CPNE1: variants seen among roughly 807,000 people sequenced by gnomAD.
The protein encoded by CPNE1 is copine-1.
In CPNE1, 58 loss-of-function variants were observed where a neutral mutation model predicts 63.2. The ratio of observed to expected loss-of-function variants is 0.92; its 90% CI spans 0.74 to 1.14. CPNE1 has a LOEUF of 1.14. Ranked by LOEUF, CPNE1 falls within the 50% of genes most tolerant of loss-of-function variation. CPNE1 has a pLI of 0.00. For missense variants in CPNE1, 672 were observed against 661.7 expected, an observed-to-expected ratio of 1.02 and a Z score of -0.17; for synonymous variants, 237 against 249.0, an observed-to-expected ratio of 0.95 and a Z score of 0.45.
intron 1 of CPNE1, among the ~76,000 whole-genome samples, chr20:35,647,987 C>T (rs1205685447): frequency 6.6e-6 from 1 of 151,518 alleles, no homozygotes; most frequent in Non-Finnish European, 1.5e-5. Context: ...ATCGCTTGAA[C>T]CCAGGAGGTG....
chr20:35,664,749 G>C lies in CPNE1; in HGVS notation c.-1+11C>G, dbSNP rs1282072905. 1.3e-5 allele frequency: 2 copies of C among 152,316 alleles called. No homozygotes were observed. The highest frequency in any genetic ancestry group is 4.8e-5 in the African/African-American group (2 of 41,464). 9.4% of individuals were successfully genotyped at this position (152,316 alleles called of 1,614,324 possible). ...ACAGCCCCACCCGTTCAGGGGCTGCGGGAGTCTTACCGGGGAAAGCTGCGC... is the reference window on the plus strand; with the variant it reads ...ACAGCCCCACCCGTTCAGGGGCTGCCGGAGTCTTACCGGGGAAAGCTGCGC... On this transcript the variant is annotated intron_variant, in intron 1 of 15. Transcript: ENST00000397443.
At position 35,632,186 on chromosome 20, in the gene CPNE1, C is replaced by G; in HGVS notation, c.433G>C (p.Glu145Gln). The stretch of plus-strand genomic sequence containing the variant: ...ACCTTCTTATCTAGGTTTCTGGCCT[C>G]TACCTCCATGGTTACTACACGATTG... ...KDNRVVTMEV[E>Q]ARNLDKKDFL... The change falls in exon 5 of 16, where the codon GAG (glutamate) becomes CAG (glutamine). Residue 145 changes from glutamate (E) to glutamine (Q), a missense_variant. Transcript: ENST00000397443. 1 of 1,614,202 alleles carries G rather than the reference C, an allele frequency of 6.2e-7. No homozygotes were observed. The highest frequency in any genetic ancestry group is 1.6e-4 in the Middle Eastern group (1 of 6,062).
chr20:35,628,137 T>C (rs1328028303), intron 13 of CPNE1, among the ~76,000 whole-genome samples: 1 of 150,532 alleles, frequency 6.6e-6, no homozygotes, highest in Non-Finnish European at 1.5e-5. Flanking sequence ...AAAAAAAAAC[T>C]AGCCGGGCGT....
intron 1 of CPNE1, among the ~76,000 whole-genome samples, chr20:35,645,161 A>G (rs1461627314): frequency 6.6e-6 from 1 of 152,148 alleles, no homozygotes; most frequent in African/African-American, 2.4e-5. Context: ...ACAAAATGAG[A>G]TGAGTAAATG....
At chr20:35,642,933 G>C (rs6060534) in intron 1 of CPNE1, among the ~76,000 whole-genome samples, 1 of 152,050 alleles carries the variant, frequency 6.6e-6, no homozygotes, top group South Asian at 2.1e-4. Flanking sequence ...ATGGCCACAA[G>C]GTTTTCCACT....
chr20:35,643,731 C>T (rs536550497), intron 1 of CPNE1, among the ~76,000 whole-genome samples: 28 of 152,050 alleles, frequency 1.8e-4, no homozygotes, highest in African/African-American at 6.5e-4. Context: ...GACTCTGTTG[C>T]GAAAACAAAA....
chr20:35,626,260 G>A lies in CPNE1; in HGVS notation c.1595C>T (p.Ala532Val). The A allele has an allele frequency of 6.2e-7, 1 of 1,614,170 alleles. No individual in the cohort carries two copies. The highest frequency in any genetic ancestry group is 8.5e-7 in the Non-Finnish European group (1 of 1,180,020). Residue 532 changes from alanine (A) to valine (V), a missense_variant, in exon 16 of 16, where the codon GCA becomes GTA. Transcript: ENST00000397443. ...KPLPPSAKDPAQAPQA is the reference protein window; with the variant it reads ...KPLPPSAKDPVQAPQA ...GGGAACCTAGGCCTGGGGGGCCTGT[G>A]CAGGATCCTTGGCTGAGGGTGGAAG...
intron 1 of CPNE1, chr20:35,650,217 T>G (rs1433382488): frequency 2.0e-5 from 3 of 152,548 alleles, no homozygotes; most frequent in Non-Finnish European, 4.4e-5. Context: ...CATAGTTCTC[T>G]CCAATTTCTA....
Position 35,632,860 on chromosome 20 carries a change from T to C in CPNE1, c.64A>G (p.Ile22Val), listed in dbSNP as rs2032260565. The C allele has an allele frequency of 3.4e-6, 3 of 872,942 alleles. No homozygotes were observed. Among genetic ancestry groups the C allele is most frequent in the East Asian group, 2.4e-5 (1 of 41,710 alleles). The allele number at this position is 872,942 out of a possible 1,614,324, so 54.1% of individuals were successfully genotyped here. A position where few individuals can be genotyped will look rare whatever the true frequency, so the allele number is the denominator to read the frequency against. The part of the protein sequence containing the change: ...ISCDHLIDKD[I>V]GSKSDPLCVL... ...CAGAGTGGGTCAGACTTGGAGCCGA[T>C]GTCCTTGTCAATGAGATGGTCACAG... The change falls in exon 2 of 16, where the codon ATC becomes GTC. Residue 22 changes from isoleucine (I) to valine (V), a missense_variant. Coordinates refer to ENST00000397443, the MANE Select transcript of CPNE1 (RefSeq NM_152925.3).
intron 13 of CPNE1, among the ~76,000 whole-genome samples, chr20:35,630,166 C>T (rs913869125): frequency 9.9e-5 from 15 of 152,160 alleles, no homozygotes; most frequent in South Asian, 2.1e-4. Flanking sequence ...CGGTGGCAAG[C>T]GACTGTAGTC....
chr20:35,654,896 T>C (rs1420135995), intron 1 of CPNE1: 2 of 1,614,008 alleles, frequency 1.2e-6, no homozygotes, highest in African/African-American at 2.7e-5. Flanking sequence ...TTTTTGTTGC[T>C]TTCATGAACA....
intron 1 of CPNE1, among the ~76,000 whole-genome samples, chr20:35,635,922 G>A (rs2032462705): frequency 6.6e-6 from 1 of 152,148 alleles, no homozygotes. Context: ...AACAGTCCCA[G>A]TGATAGAAAA....
At chr20:35,637,489 T>C (rs1293295043) in intron 1 of CPNE1, among the ~76,000 whole-genome samples, 1 of 152,174 alleles carries the variant, frequency 6.6e-6, no homozygotes, top group East Asian at 1.9e-4. Context: ...TCCAAAGTTA[T>C]TTCTGGTTCA....
At position 35,628,663 on chromosome 20, in the gene CPNE1, T is replaced by C. The variant is rs115944756; in HGVS notation, c.1103-1250A>G. Among the ~76,000 whole-genome samples the C allele has an allele frequency of 3.8e-3, 583 of 152,340 alleles. 3 individuals are homozygous for C. The highest frequency in any genetic ancestry group is 0.013 in the African/African-American group (537 of 41,580). Reference sequence around the variant, plus strand: ...TACTGTTTATATCATGAAATGTGAATGTCATGAAAGGCAAGAAGTCTTCCA... The same window carrying C: ...TACTGTTTATATCATGAAATGTGAACGTCATGAAAGGCAAGAAGTCTTCCA... On this transcript the variant is annotated intron_variant, in intron 13 of 15. Coordinates refer to ENST00000397443, the MANE Select transcript of CPNE1 (RefSeq NM_152925.3).
At chr20:35,627,250 A>ACCACTG in intron 14 of CPNE1, 30 bp downstream of exon 14, 3 of 1,556,086 alleles carry the variant, frequency 1.9e-6, no homozygotes, top group Non-Finnish European at 2.6e-6. Flanking sequence ...CTTGATTGCC[A>ACCACTG]CCACTGCCAC....
intron 1 of CPNE1, among the ~76,000 whole-genome samples, chr20:35,644,191 A>T (rs989687734): frequency 6.6e-6 from 1 of 152,144 alleles, no homozygotes; most frequent in African/African-American, 2.4e-5. Flanking sequence ...GCTCACAAAC[A>T]GGGAAGTGCA....
chr20:35,637,005 T>C (rs2032524216), intron 1 of CPNE1, among the ~76,000 whole-genome samples: 1 of 152,130 alleles, frequency 6.6e-6, no homozygotes, highest in Admixed American at 6.6e-5. Context: ...TTTTATACTG[T>C]TTTGTATTTT....
chr20:35,638,636 CCTA>C (rs1347863398), intron 1 of CPNE1, among the ~76,000 whole-genome samples: 1 of 152,156 alleles, frequency 6.6e-6, no homozygotes, highest in Non-Finnish European at 1.5e-5. Flanking sequence ...CGATTCCACT[CCTA>C]CATTTTTAGC....
intron 1 of CPNE1, chr20:35,653,356 C>T (rs1395614794): frequency 6.2e-7 from 1 of 1,614,136 alleles, no homozygotes; most frequent in South Asian, 1.1e-5. Flanking sequence ...ACCGGGCAGT[C>T]CCGCATTGGG....
Sources: allele counts gnomAD v4.1 joint callset (sites outside exome capture counted in the v4.1 genomes callset), GRCh38; gene constraint gnomAD v4.1.1; transcripts MANE v1.5; gene names NCBI Gene and HGNC (gene_info 2026-07-23, HGNC 2026-07-21).